The following TRIM68 variants were observed in gnomAD, a reference collection of about 807,000 sequenced individuals.
The protein encoded by TRIM68 is E3 ubiquitin-protein ligase TRIM68.
A neutral mutation model predicts 41.9 loss-of-function variants in TRIM68; 36 were observed. The ratio of observed to expected loss-of-function variants is 0.86; its 90% CI spans 0.66 to 1.14. The LOEUF is 1.14. Among genes scored for constraint, TRIM68 ranks in the 50% most tolerant of loss-of-function variants. TRIM68 has a pLI of 0.00. For synonymous variants in TRIM68, 225 were observed against 224.6 expected, an observed-to-expected ratio of 1.00 and a Z score of -0.02; for missense variants, 632 against 605.1, an observed-to-expected ratio of 1.04 and a Z score of -0.47.
At chr11:4,602,657 C>T (rs992939418) in intron 3 of TRIM68, among the ~76,000 whole-genome samples, 75 of 152,202 alleles carry the variant, frequency 4.9e-4, no homozygotes, top group African/African-American at 1.8e-3. Flanking sequence ...ATACTACATG[C>T]TCTAGACTAT....
intron 4 of TRIM68, chr11:4,601,905 T>C: frequency 1.3e-6 from 1 of 765,552 alleles, no homozygotes; most frequent in Non-Finnish European, 2.1e-6. Context: ...ACTCTCGGGC[T>C]AGAGGAGAGG....
intron 1 of TRIM68, among the ~76,000 whole-genome samples, chr11:4,606,900 T>C (rs1179900728): frequency 6.6e-6 from 1 of 152,232 alleles, no homozygotes; most frequent in Admixed American, 6.5e-5. Context: ...TGATATGCCA[T>C]TGGCAGGGCA....
At position 4,601,932 on chromosome 11, in the gene TRIM68, G is replaced by T; in HGVS notation, c.783+220C>A. 5.1e-6 allele frequency: 4 copies of T among 779,152 alleles called. No individual in the cohort carries two copies. In the South Asian group the frequency reaches 7.2e-5, roughly 14 times the overall value. 48.3% of individuals were successfully genotyped at this position (779,152 alleles called of 1,614,324 possible). ...GAGGAGAGGGCCTGGAATGACGCCA[G>T]AGCTGCCTGAGCACTGCCCCACCTA... On this transcript the variant is annotated intron_variant, in intron 4 of 6. Coordinates refer to ENST00000300747, the MANE Select transcript of TRIM68 (RefSeq NM_018073.8).
chr11:4,605,426 T>G lies in TRIM68; in HGVS notation c.79A>C (p.Met27Leu), dbSNP rs1329857570. 6.2e-7 allele frequency: 1 copy of G among 1,614,224 alleles called. No homozygotes were observed. The highest frequency in any genetic ancestry group is 8.5e-7 in the Non-Finnish European group (1 of 1,180,042). The change falls in exon 2 of 7, where the codon ATG becomes CTG. Residue 27 changes from methionine (M) to leucine (L), a missense_variant. Physicochemically the swap from Met to Leu is conservative, Grantham distance 15 (BLOSUM62 2). Coordinates refer to ENST00000300747, the MANE Select transcript of TRIM68 (RefSeq NM_018073.8). ...AAGCTGTGGCCACAGTCAATGCTCA[T>G]GGGCTCCCTCAGGAAGGTCATACAG... Reference protein sequence around the residue: ...PICMTFLREPMSIDCGHSFCH... With the variant: ...PICMTFLREPLSIDCGHSFCH...
At chr11:4,602,853 A>T (rs1846513964) in intron 3 of TRIM68, among the ~76,000 whole-genome samples, 1 of 152,236 alleles carries the variant, frequency 6.6e-6, no homozygotes, top group Non-Finnish European at 1.5e-5. Context: ...TACTGGCCTC[A>T]AATTTATTTC....
rs1390626154 is a variant in TRIM68 at position 4,600,697 on chromosome 11, A to G, written c.1037T>C (p.Ile346Thr). The change falls in exon 7 of 7, where the codon ATC becomes ACC. Residue 346 changes from isoleucine to threonine, a missense_variant. Ile to Thr is a moderately conservative substitution (Grantham distance 89, BLOSUM62 -1). Coordinates refer to ENST00000300747, the MANE Select transcript of TRIM68 (RefSeq NM_018073.8). ...GGAGATGCACTGGCTTCCCAGGACG[A>G]TATTATAGCGGTAAAATCTCTCAGG... ...DNPERFYRYN[I>T]VLGSQCISSG... 2 of 1,613,958 alleles carry G rather than the reference A, an allele frequency of 1.2e-6. No homozygotes were observed. The highest frequency in any genetic ancestry group is 2.2e-5 in the East Asian group (1 of 44,884).
Position 4,605,577 on chromosome 11 carries a change from G to C in TRIM68, c.-57-16C>G. 7.1e-7 allele frequency: 1 copy of C among 1,404,056 alleles called. No homozygotes were observed. The highest frequency in any genetic ancestry group is 9.6e-7 in the Non-Finnish European group (1 of 1,039,372). The allele number at this position is 1,404,056 out of a possible 1,614,324, so 87.0% of individuals were successfully genotyped here. On this transcript the variant is annotated splice_polypyrimidine_tract_variant and intron_variant, in intron 1 of 6. Coordinates refer to ENST00000300747, the MANE Select transcript of TRIM68 (RefSeq NM_018073.8). ...GTAGTAAAGGCTGAGAAGAAGAAAA[G>C]AAAGACAAATAAGAGAAAAAGGTAA...
intron 6 of TRIM68, 54 bp downstream of exon 6, chr11:4,600,973 C>G: frequency 6.3e-7 from 1 of 1,593,272 alleles, no homozygotes; most frequent in Middle Eastern, 1.7e-4. Context: ...CATTTTCTAT[C>G]TCTGGGAGGG....
At position 4,599,130 on chromosome 11, in the gene TRIM68, C is replaced by T. The variant is rs1225280603; in HGVS notation, c.*1146G>A. On this transcript the variant is annotated 3_prime_UTR_variant, in exon 7 of 7. Transcript: ENST00000300747. ...GTGACCTGCGAAGTGAGTTTGTCAA[C>T]CTTGTTTCACTTGAGTGTGAAAAAT... The T allele has an allele frequency of 5.9e-5, 9 of 152,210 alleles. No individual in the cohort carries two copies. The highest frequency in any genetic ancestry group is 2.2e-4 in the African/African-American group (9 of 41,454). 9.4% of individuals were successfully genotyped at this position (152,210 alleles called of 1,614,324 possible).
chr11:4,604,054 A>G (rs1846534701), intron 2 of TRIM68, among the ~76,000 whole-genome samples: 1 of 152,222 alleles, frequency 6.6e-6, no homozygotes, highest in African/African-American at 2.4e-5. Context: ...TTAGAGGGTG[A>G]CCTACCCAAA....
At position 4,600,066 on chromosome 11, in the gene TRIM68, A is replaced by C. The variant is rs1039758117; in HGVS notation, c.*210T>G. 1.7e-5 allele frequency: 9 copies of C among 521,880 alleles called. No homozygotes were observed. The highest frequency in any genetic ancestry group is 2.7e-5 in the Non-Finnish European group (8 of 299,144). The allele number at this position is 521,880 out of a possible 1,614,324, so 32.3% of individuals were successfully genotyped here. A position where few individuals can be genotyped will look rare whatever the true frequency, so the allele number is the denominator to read the frequency against. On this transcript the variant is annotated 3_prime_UTR_variant, in exon 7 of 7. Transcript: ENST00000300747. ...CTGTCGTGCTTCCCTCATGGGATGCAATGCTCATTTGACTGGGCCTCTGCT... is the reference window on the plus strand; with the variant it reads ...CTGTCGTGCTTCCCTCATGGGATGCCATGCTCATTTGACTGGGCCTCTGCT...
At position 4,600,426 on chromosome 11, in the gene TRIM68, G is replaced by A. The variant is rs1423445688; in HGVS notation, c.1308C>T (p.Phe436=). ...FVDYEAHDIS[F]YNVTDCGSHI... Reference sequence around the variant, plus strand: ...GGGAGCCACAGTCAGTCACATTGTAGAAAGAAATGTCATGGGCCTCATAAT... The same window carrying A: ...GGGAGCCACAGTCAGTCACATTGTAAAAAGAAATGTCATGGGCCTCATAAT... The change falls in exon 7 of 7, where the codon TTC becomes TTT. Residue 436 remains phenylalanine (F), a synonymous_variant. Transcript: ENST00000300747. 6.2e-7 allele frequency: 1 copy of A among 1,614,106 alleles called. No individual in the cohort carries two copies. Among genetic ancestry groups the A allele is most frequent in the Non-Finnish European group, 8.5e-7 (1 of 1,179,992 alleles).
Position 4,600,423 on chromosome 11 carries a change from G to A in TRIM68, c.1311C>T (p.Tyr437=). The change falls in exon 7 of 7, where the codon TAC becomes TAT. Residue 437 remains tyrosine (Y), a synonymous_variant. Coordinates refer to ENST00000300747, the MANE Select transcript of TRIM68 (RefSeq NM_018073.8). ...TGTGGGAGCCACAGTCAGTCACATTGTAGAAAGAAATGTCATGGGCCTCAT... is the reference window on the plus strand; with the variant it reads ...TGTGGGAGCCACAGTCAGTCACATTATAGAAAGAAATGTCATGGGCCTCAT... The part of the protein sequence containing the change: ...VDYEAHDISF[Y]NVTDCGSHIF... 6.2e-7 allele frequency: 1 copy of A among 1,614,102 alleles called. No homozygotes were observed. The highest frequency in any genetic ancestry group is 8.5e-7 in the Non-Finnish European group (1 of 1,179,992).
Position 4,600,089 on chromosome 11 carries a change from G to T in TRIM68, c.*187C>A. The T allele has an allele frequency of 1.7e-6, 1 of 584,152 alleles. No homozygotes were observed. The allele number at this position is 584,152 out of a possible 1,614,324, so 36.2% of individuals were successfully genotyped here. A position where few individuals can be genotyped will look rare whatever the true frequency, so the allele number is the denominator to read the frequency against. On this transcript the variant is annotated 3_prime_UTR_variant, in exon 7 of 7. Transcript: ENST00000300747. ...GCAATGCTCATTTGACTGGGCCTCT[G>T]CTTTTTAAAATAAGTGGTTTCATGA...
Position 4,600,457 on chromosome 11 carries a change from A to G in TRIM68, c.1277T>C (p.Phe426Ser). ...AATGTCATGGGCCTCATAATCCACG[A>G]AGATTCCCACCCGGCGAGGAGGGAC... ...LPVPPRRVGI[F>S]VDYEAHDISF... is the part of the protein sequence containing the mutation. The change falls in exon 7 of 7, where the codon TTC becomes TCC. Residue 426 changes from phenylalanine (F) to serine (S), a missense_variant. By Grantham distance (155) the Phe-to-Ser change is radical (BLOSUM62 -2). Transcript: ENST00000300747. 6.2e-7 allele frequency: 1 copy of G among 1,613,778 alleles called. No homozygotes were observed.
chr11:4,604,961 G>T, intron 2 of TRIM68, 118 bp downstream of exon 2: 1 of 1,072,496 alleles, frequency 9.3e-7, no homozygotes, highest in Non-Finnish European at 1.3e-6. Flanking sequence ...GGATCTCTGG[G>T]TGTCAGGAAC....
At chr11:4,603,146 T>A in intron 3 of TRIM68, 99 bp downstream of exon 3, 2 of 1,159,846 alleles carry the variant, frequency 1.7e-6, no homozygotes, top group Non-Finnish European at 2.6e-6. Context: ...ATTTCAAGCC[T>A]CACATTCTGC....
rs1400796085 is a variant in TRIM68 at position 4,599,598 on chromosome 11, T to TA, written c.*677dup. On this transcript the variant is annotated 3_prime_UTR_variant, in exon 7 of 7. Transcript: ENST00000300747. The stretch of plus-strand genomic sequence containing the variant: ...TCGCAGGTTTTCTGATCCTGCCACT[T>TA]AGAGAAAAAAGGCAAGACTAGGACA... 2.8e-4 allele frequency: 43 copies of TA among 152,292 alleles called. No individual in the cohort carries two copies. The highest frequency in any genetic ancestry group is 1.0e-3 in the African/African-American group (42 of 41,558). The allele number at this position is 152,292 out of a possible 1,614,324, so 9.4% of individuals were successfully genotyped here.
rs761979703 is a variant in TRIM68, at chr11:4,602,132, C to T, written c.783+20G>A. 15 of 1,613,974 alleles carry T rather than the reference C, an allele frequency of 9.3e-6. No homozygotes were observed. Among genetic ancestry groups the T allele is most frequent in the Non-Finnish European group, 1.3e-5 (15 of 1,179,902 alleles). ...ATCTTCAGCTGTCACTCAGGGTTAC[C>T]AGGAAAACCTACTACTCACCTGCAA... On this transcript the variant is annotated intron_variant, in intron 4 of 6. Transcript: ENST00000300747.
Sources: allele counts gnomAD v4.1 joint callset (sites outside exome capture counted in the v4.1 genomes callset), GRCh38; gene constraint gnomAD v4.1.1; transcripts MANE v1.5; gene names NCBI Gene and HGNC (gene_info 2026-07-23, HGNC 2026-07-21).